The following ULK2 variants were observed in gnomAD, a reference collection of about 807,000 sequenced individuals.
ULK2 encodes serine/threonine-protein kinase ULK2.
In ULK2, 76 loss-of-function variants were observed where a neutral mutation model predicts 127.5. The observed-to-expected ratio is 0.60, with a 90% confidence interval of 0.50 to 0.72. The LOEUF (loss-of-function observed/expected upper bound fraction) is 0.72. Among genes scored for constraint, ULK2 ranks in the 30% least tolerant of loss-of-function variants. The probability of loss-of-function intolerance (pLI) is 0.00; values close to 1 mark genes in which losing one functional copy is unlikely to be tolerated. For synonymous variants in ULK2, 452 were observed against 461.9 expected (o/e 0.98, Z 0.28); for missense variants, 1,144 against 1,295.9 (o/e 0.88, Z 1.80).
At chr17:19,785,595 G>A (rs2087011463) in intron 21 of ULK2, among the ~76,000 whole-genome samples, 1 of 150,980 alleles carries the variant, frequency 6.6e-6, no homozygotes, top group African/African-American at 2.4e-5. Flanking sequence ...ATCTACTAAA[G>A]TAACCCTTTA....
intron 14 of ULK2, among the ~76,000 whole-genome samples, chr17:19,805,093 A>G (rs1799249431): frequency 6.6e-6 from 1 of 150,786 alleles, no homozygotes; most frequent in East Asian, 2.0e-4. Context: ...AACAACAGGA[A>G]AAGTCCACAG....
intron 12 of ULK2, among the ~76,000 whole-genome samples, chr17:19,822,749 C>T (rs879840753): frequency 1.3e-5 from 2 of 150,814 alleles, no homozygotes; most frequent in African/African-American, 4.9e-5. Context: ...TGCAGTTGAG[C>T]GATCTTAGCT....
At chr17:19,819,307 A>C (rs2041078362) in intron 12 of ULK2, among the ~76,000 whole-genome samples, 1 of 152,042 alleles carries the variant, frequency 6.6e-6, no homozygotes, top group Non-Finnish European at 1.5e-5. Flanking sequence ...CATTCTTCTC[A>C]ACACTCTGCC....
intron 17 of ULK2, among the ~76,000 whole-genome samples, chr17:19,799,061 T>C (rs1379293883): frequency 1.3e-5 from 2 of 150,806 alleles, no homozygotes; most frequent in Non-Finnish European, 2.9e-5. Flanking sequence ...CTTGGGTGGC[T>C]GAGGCAGAAG....
In ULK2 at chr17:19,849,787, CATATT is replaced by C; in HGVS notation, c.226-18_226-14del. 6.7e-7 allele frequency: 1 copy of C among 1,489,722 alleles called. No homozygotes were observed. The highest frequency in any genetic ancestry group is 1.3e-5 in the South Asian group (1 of 77,470). 92.3% of individuals were successfully genotyped at this position (1,489,722 alleles called of 1,614,324 possible). On this transcript the variant is annotated splice_polypyrimidine_tract_variant and intron_variant, in intron 3 of 26. Coordinates refer to ENST00000395544, the MANE Select transcript of ULK2 (RefSeq NM_014683.4). ...AGTTGGGTAATTCCTGAAAAGTAAA[CATATT>C]AAATATCATTTAGAGAAAAATTAAA...
chr17:19,792,708 C>T (rs921248884), intron 20 of ULK2, among the ~76,000 whole-genome samples: 7 of 151,968 alleles, frequency 4.6e-5, no homozygotes, highest in South Asian at 2.1e-4. Context: ...GGCGACAGAG[C>T]GAGACTCCGT....
chr17:19,819,279 T>C (rs1265340046), intron 12 of ULK2, among the ~76,000 whole-genome samples: 1 of 152,216 alleles, frequency 6.6e-6, no homozygotes, highest in Non-Finnish European at 1.5e-5. Context: ...AACTTTTTGC[T>C]CCATCTGTAC....
At chr17:19,806,899 G>C (rs2087527824) in intron 14 of ULK2, among the ~76,000 whole-genome samples, 1 of 152,208 alleles carries the variant, frequency 6.6e-6, no homozygotes, top group Admixed American at 6.5e-5. Flanking sequence ...CTTGTGCTGA[G>C]AGGAAAGCAC....
intron 15 of ULK2, among the ~76,000 whole-genome samples, chr17:19,803,635 C>G (rs536389043): frequency 2.6e-5 from 4 of 152,274 alleles, no homozygotes; most frequent in African/African-American, 7.2e-5. Flanking sequence ...ACTTGGAAAT[C>G]TTTCTATCTT....
chr17:19,788,456 A>C (rs1484768945), intron 20 of ULK2, among the ~76,000 whole-genome samples: 1 of 151,112 alleles, frequency 6.6e-6, no homozygotes, highest in African/African-American at 2.4e-5. Context: ...TTCTAAACAC[A>C]CCCTGAGCCA....
intron 8 of ULK2, 67 bp downstream of exon 8, chr17:19,843,054 C>G: frequency 7.8e-7 from 1 of 1,276,486 alleles, no homozygotes; most frequent in Non-Finnish European, 1.1e-6. Context: ...CTTCATTTTA[C>G]AAATCAAACG....
intron 25 of ULK2, among the ~76,000 whole-genome samples, chr17:19,778,799 A>G (rs1413780327): frequency 6.6e-6 from 1 of 152,118 alleles, no homozygotes; most frequent in Non-Finnish European, 1.5e-5. Context: ...GCTAACAATA[A>G]AGCAAATAAA....
chr17:19,843,682 T>C (rs2041817985), intron 7 of ULK2, among the ~76,000 whole-genome samples: 1 of 148,534 alleles, frequency 6.7e-6, no homozygotes, highest in Non-Finnish European at 1.5e-5. Flanking sequence ...TTTTTGAGAA[T>C]GAGTCTCAAT....
At chr17:19,787,468 A>G (rs867285643) in intron 20 of ULK2, among the ~76,000 whole-genome samples, 24 of 152,192 alleles carry the variant, frequency 1.6e-4, no homozygotes, top group Non-Finnish European at 3.5e-4. Flanking sequence ...ATATTTGATA[A>G]TAAGAACATA....
intron 12 of ULK2, 65 bp downstream of exon 12, chr17:19,825,029 G>C: frequency 7.2e-7 from 1 of 1,392,922 alleles, no homozygotes. Flanking sequence ...GTATGTGCAT[G>C]CTCCATTTGA....
At chr17:19,782,577 G>A (rs1026614011) in intron 22 of ULK2, among the ~76,000 whole-genome samples, 4 of 152,182 alleles carry the variant, frequency 2.6e-5, no homozygotes, top group Non-Finnish European at 5.9e-5. Context: ...TTAAAGAGGG[G>A]AGTGTGGGTA....
chr17:19,780,500 T>G lies in ULK2; in HGVS notation c.2888A>C (p.Lys963Thr). The G allele has an allele frequency of 6.2e-7, 1 of 1,613,088 alleles. No individual in the cohort carries two copies. Among genetic ancestry groups the G allele is most frequent in the South Asian group, 1.1e-5 (1 of 90,676 alleles). ...IDEINSVTAE[K>T]LIYNCAVEMV... ...TTCTACAGCACAATTATAGATGAGT[T>G]TCTCTGCAGTCACACTGTTGATTTC... The change falls in exon 25 of 27, where the codon AAA becomes ACA. Residue 963 changes from lysine (K) to threonine (T), a missense_variant. Lys to Thr is a moderately conservative substitution (Grantham distance 78). This residue lies in a region of ULK2 where 913 missense variants were observed against 970.5 expected (regional missense o/e 0.94). Coordinates refer to ENST00000395544, the MANE Select transcript of ULK2 (RefSeq NM_014683.4).
rs1158601747 is a variant in ULK2 at position 19,796,247 on chromosome 17, T to C, written c.1845A>G (p.Ala615=). ...TAACCAAGGCTAACAGGTTGGAAGA[T>C]GCTTGAGTTTTAGGGATTTTGAAAG... ...TAPFKIPKTQ[A]SSNLLALVTR... Residue 615 remains alanine (A), a synonymous_variant, in exon 19 of 27, where the codon GCA becomes GCG. Transcript: ENST00000395544. The C allele has an allele frequency of 1.2e-6, 2 of 1,613,404 alleles. No homozygotes were observed. Among genetic ancestry groups the C allele is most frequent in the African/African-American group, 1.3e-5 (1 of 74,672 alleles).
intron 25 of ULK2, 88 bp downstream of exon 25, chr17:19,780,384 A>T: frequency 1.6e-6 from 2 of 1,227,544 alleles, no homozygotes; most frequent in Non-Finnish European, 2.2e-6. Context: ...ATTATCTTTT[A>T]AAAGGATAGC....
Sources: allele counts gnomAD v4.1 joint callset (sites outside exome capture counted in the v4.1 genomes callset), GRCh38; gene constraint gnomAD v4.1.1; regional missense constraint gnomAD v4.1.1; transcripts MANE v1.5; gene names NCBI Gene and HGNC (gene_info 2026-07-23, HGNC 2026-07-21).